KAZN: variants seen among roughly 807,000 people sequenced by gnomAD.
KAZN encodes the protein kazrin.
Under a neutral mutation model 87.4 loss-of-function variants are expected in KAZN, and 40 were observed. The observed-to-expected ratio is 0.46, with a 90% CI of 0.36 to 0.60. The LOEUF (loss-of-function observed/expected upper bound fraction) is 0.60, where lower values mean the gene tolerates loss of function less well. Ranked by LOEUF, KAZN falls within the 20% of genes least tolerant of loss-of-function variation. The pLI is 0.00. For missense variants in KAZN, 898 were observed against 1,073.9 expected (o/e 0.84, Z 2.29); for synonymous variants, 466 against 458.3 (o/e 1.02, Z -0.22).
intron 8 of KAZN, among the ~76,000 whole-genome samples, chr1:15,072,129 T>C (rs1163558975): frequency 2.0e-5 from 3 of 152,182 alleles, no homozygotes; most frequent in Non-Finnish European, 4.4e-5. Context: ...TGAACCTCAG[T>C]GTACTCATCT....
At position 14,676,893 on chromosome 1, in the gene KAZN, T is replaced by G. The variant is rs570644638; in HGVS notation, c.226+77670T>G. The stretch of plus-strand genomic sequence containing the variant: ...TATGGAGTAGTGATGGTTGCAGAAC[T>G]TTGTGAGTATACTAAAAACCACTGA... On this transcript the variant is annotated intron_variant, in intron 1 of 14. Coordinates refer to ENST00000376030, the MANE Select transcript of KAZN (RefSeq NM_201628.3). 1.6e-4 allele frequency among the ~76,000 whole-genome samples: 24 copies of G among 152,270 alleles called. No homozygotes were observed. In the South Asian group the frequency reaches 4.8e-3, roughly 30 times the overall value.
intron 1 of KAZN, among the ~76,000 whole-genome samples, chr1:14,752,033 A>G (rs1213211644): frequency 1.3e-5 from 2 of 152,220 alleles, no homozygotes; most frequent in Admixed American, 6.5e-5. Context: ...GCTTCCACTC[A>G]TGGCAGAAGG....
At chr1:14,543,948 A>G (rs1287597286) in intron 2 of KAZN, among the ~76,000 whole-genome samples, 1 of 152,252 alleles carries the variant, frequency 6.6e-6, no homozygotes, top group Non-Finnish European at 1.5e-5. Context: ...TTGCCTATTA[A>G]GACAATGAAT....
chr1:13,916,548 C>T (rs71629861), intron 1 of KAZN, among the ~76,000 whole-genome samples: 4,925 of 152,236 alleles, frequency 0.032, 94 homozygotes, highest in Middle Eastern at 0.065. Context: ...GTGGCCAGGA[C>T]GGGGTCCCTG....
chr1:14,848,973 A>G (rs1572641512), intron 1 of KAZN, among the ~76,000 whole-genome samples: 1 of 152,120 alleles, frequency 6.6e-6, no homozygotes, highest in African/African-American at 2.4e-5. Context: ...CGGCTCCAGG[A>G]AGCAGGGACC....
At chr1:14,614,956 C>T (rs1400466388) in intron 1 of KAZN, among the ~76,000 whole-genome samples, 1 of 152,174 alleles carries the variant, frequency 6.6e-6, no homozygotes, top group African/African-American at 2.4e-5. Context: ...TTGGTTTCCT[C>T]GTAGGGATAA....
At chr1:13,921,660 C>T (rs1640072172) in intron 1 of KAZN, among the ~76,000 whole-genome samples, 1 of 151,892 alleles carries the variant, frequency 6.6e-6, no homozygotes, top group Non-Finnish European at 1.5e-5. Context: ...GAGTCTTGCT[C>T]TGTTGCCCAG....
chr1:14,555,164 G>A (rs180834772), intron 2 of KAZN, among the ~76,000 whole-genome samples: 1 of 152,210 alleles, frequency 6.6e-6, no homozygotes, highest in Admixed American at 6.5e-5. Context: ...AATAGCAATT[G>A]AGTGGGGACA....
intron 1 of KAZN, among the ~76,000 whole-genome samples, chr1:14,161,146 A>C (rs1645701051): frequency 6.6e-6 from 1 of 152,260 alleles, no homozygotes; most frequent in African/African-American, 2.4e-5. Context: ...TTATTGGAGC[A>C]AAATCAAAGT....
chr1:14,373,286 A>G (rs1033990462), intron 2 of KAZN, among the ~76,000 whole-genome samples: 1 of 151,994 alleles, frequency 6.6e-6, no homozygotes, highest in Non-Finnish European at 1.5e-5. Context: ...AAATCCCACA[A>G]TCTGCTGTCT....
chr1:14,880,431 C>T (rs994591265), intron 1 of KAZN, among the ~76,000 whole-genome samples: 1 of 152,202 alleles, frequency 6.6e-6, no homozygotes, highest in Non-Finnish European at 1.5e-5. Flanking sequence ...GCTTAATAAA[C>T]TACCCCAAAC....
intron 1 of KAZN, among the ~76,000 whole-genome samples, chr1:14,901,542 G>T (rs968509809): frequency 1.3e-5 from 2 of 152,162 alleles, no homozygotes; most frequent in East Asian, 1.9e-4. Context: ...GAGTCAGATG[G>T]GGGTGGAGAG....
chr1:14,598,534 G>A (rs977677755), upstream of KAZN, among the ~76,000 whole-genome samples: 1 of 152,040 alleles, frequency 6.6e-6, no homozygotes, highest in Non-Finnish European at 1.5e-5. The surrounding 1 kb of genome is among the most constrained non-coding windows in gnomAD (Gnocchi z 4.2). Context: ...CCCGACTGCC[G>A]TCCGCCGCCT....
chr1:14,788,719 G>A (rs761378562), intron 1 of KAZN, among the ~76,000 whole-genome samples: 21 of 152,126 alleles, frequency 1.4e-4, no homozygotes, highest in Non-Finnish European at 2.6e-4. Flanking sequence ...CCAAGCTGGA[G>A]ATGGCTTTTC....
At chr1:14,107,373 T>A (rs1644400558) in intron 1 of KAZN, among the ~76,000 whole-genome samples, 1 of 151,828 alleles carries the variant, frequency 6.6e-6, no homozygotes, top group African/African-American at 2.4e-5. Flanking sequence ...TTTTGTTTGT[T>A]TGTTTGTTTG....
rs58947999 is a variant in KAZN, at chr1:13,923,572, C to CAAAAAA, written c.91+29831_91+29836dup. On this transcript the variant is annotated intron_variant, in intron 1 of 16. Coordinates refer to the KAZN transcript ENST00000636203. ...TGGGTGACAGAGCGAGACTCCATCTCAAAAAAAAAAAAAAAAAAAATATAA... is the reference window on the plus strand; with the variant it reads ...TGGGTGACAGAGCGAGACTCCATCTCAAAAAAAAAAAAAAAAAAAAAAAAAATATAA... 2.5e-3 allele frequency among the ~76,000 whole-genome samples: 140 copies of CAAAAAA among 55,884 alleles called. 2 individuals are homozygous for CAAAAAA. Among genetic ancestry groups the CAAAAAA allele is most frequent in the South Asian group, 9.6e-3 (18 of 1,868 alleles). 36.7% of individuals were successfully genotyped at this position (55,884 alleles called of 152,430 possible). A position where few individuals can be genotyped will look rare whatever the true frequency, so the allele number is the denominator to read the frequency against.
intron 1 of KAZN, among the ~76,000 whole-genome samples, chr1:14,842,807 A>G (rs558537301): frequency 1.3e-5 from 2 of 152,218 alleles, no homozygotes; most frequent in Non-Finnish European, 2.9e-5. Context: ...ATCAAAGAGT[A>G]GTAAAAGGCT....
chr1:15,012,887 A>G (rs538153489), intron 2 of KAZN, among the ~76,000 whole-genome samples: 2 of 152,092 alleles, frequency 1.3e-5, no homozygotes, highest in African/African-American at 4.8e-5. Flanking sequence ...ACACCACTTA[A>G]CTCCGGCCTC....
intron 2 of KAZN, among the ~76,000 whole-genome samples, chr1:14,297,926 T>C (rs1404218879): frequency 6.6e-6 from 1 of 151,996 alleles, no homozygotes; most frequent in Non-Finnish European, 1.5e-5. Context: ...TGGAAACCAA[T>C]AGAAAATTGG....
Sources: allele counts gnomAD v4.1 joint callset (sites outside exome capture counted in the v4.1 genomes callset), GRCh38; gene constraint gnomAD v4.1.1; non-coding constraint Gnocchi (gnomAD v3.1); transcripts MANE v1.5; gene names NCBI Gene and HGNC (gene_info 2026-07-23, HGNC 2026-07-21).